DLC1: variants seen among roughly 807,000 people sequenced by gnomAD.
DLC1 encodes the protein DLC1 Rho GTPase activating protein.
In DLC1, 54 loss-of-function variants were observed where a neutral mutation model predicts 140.3. That is an observed-to-expected ratio of 0.38 (90% CI 0.31 to 0.48). The LOEUF is 0.48. Ranked by LOEUF, DLC1 falls within the 20% of genes least tolerant of loss-of-function variation. The pLI, the probability that DLC1 is intolerant of heterozygous loss-of-function variation, is 0.96. For synonymous variants in DLC1, 986 were observed against 728.1 expected (o/e 1.35, Z -5.70); for missense variants, 2,536 against 1,907.0 (o/e 1.33, Z -6.14).
chr8:13,192,251 A>G (rs972716817), intron 5 of DLC1, among the ~76,000 whole-genome samples: 22 of 150,692 alleles, frequency 1.5e-4, no homozygotes, highest in African/African-American at 4.9e-4. Flanking sequence ...GTGCCCAGCC[A>G]GCCTGATTAT....
intron 1 of DLC1, among the ~76,000 whole-genome samples, chr8:13,502,448 T>A (rs1291782143): frequency 1.3e-5 from 2 of 152,198 alleles, no homozygotes; most frequent in South Asian, 2.1e-4. Flanking sequence ...GTCTGATAGT[T>A]TTTTTAAAAA....
chr8:13,543,940 A>G (rs1803568959), intron 1 of DLC1, among the ~76,000 whole-genome samples: 2 of 152,044 alleles, frequency 1.3e-5, no homozygotes, highest in African/African-American at 4.8e-5. Flanking sequence ...AGACTTCACC[A>G]TTACACAGTT....
At chr8:13,209,879 A>G (rs1257055099) in intron 5 of DLC1, among the ~76,000 whole-genome samples, 6 of 150,676 alleles carry the variant, frequency 4.0e-5, no homozygotes, top group Non-Finnish European at 5.9e-5. Context: ...AGCCAATTAA[A>G]CCTCTTTTTT....
chr8:13,168,604 A>G (rs1267935302), intron 5 of DLC1, among the ~76,000 whole-genome samples: 2 of 152,248 alleles, frequency 1.3e-5, no homozygotes, highest in Admixed American at 6.5e-5. Context: ...AGGAAAAGAC[A>G]CAGTATCTTT....
chr8:13,588,625 C>T (rs1805412128), intron 1 of DLC1, among the ~76,000 whole-genome samples: 1 of 151,958 alleles, frequency 6.6e-6, no homozygotes, highest in Non-Finnish European at 1.5e-5. Context: ...AGAAAATAGT[C>T]TTAAATGAAA....
At chr8:13,594,899 C>T (rs1805634019) in intron 1 of DLC1, among the ~76,000 whole-genome samples, 1 of 151,522 alleles carries the variant, frequency 6.6e-6, no homozygotes, top group Admixed American at 6.6e-5. Context: ...CCGTCCCTTT[C>T]AGGTTTTGGA....
intron 5 of DLC1, among the ~76,000 whole-genome samples, chr8:13,293,833 T>C (rs991707952): frequency 2.7e-5 from 4 of 149,832 alleles, no homozygotes; most frequent in African/African-American, 1.0e-4. Flanking sequence ...TAAAATATAA[T>C]TGAGAGGAAA....
intron 1 of DLC1, chr8:13,568,060 A>T: frequency 8.1e-7 from 1 of 1,227,146 alleles, no homozygotes; most frequent in Non-Finnish European, 1.1e-6. Context: ...TTTGAGGACT[A>T]AGAACTTTCA....
chr8:13,416,390 C>A (rs2117322855), intron 2 of DLC1, among the ~76,000 whole-genome samples: 1 of 151,824 alleles, frequency 6.6e-6, no homozygotes, highest in African/African-American at 2.4e-5. Context: ...ATATAAAATT[C>A]AAAAAACATA....
At chr8:13,513,405 G>A (rs533819519) in intron 1 of DLC1, among the ~76,000 whole-genome samples, 6 of 152,116 alleles carry the variant, frequency 3.9e-5, no homozygotes, top group East Asian at 1.9e-4. Context: ...ATCAATATAA[G>A]TTATTCTAGC....
chr8:13,441,780 C>G (rs562878711), intron 2 of DLC1, among the ~76,000 whole-genome samples: 17 of 152,246 alleles, frequency 1.1e-4, no homozygotes, highest in African/African-American at 3.9e-4. Flanking sequence ...CATGGCCATA[C>G]TGCCCAAGGT....
chr8:13,540,151 T>G (rs1355513767), intron 1 of DLC1, among the ~76,000 whole-genome samples: 1 of 152,192 alleles, frequency 6.6e-6, no homozygotes, highest in African/African-American at 2.4e-5. Flanking sequence ...GAAATTATAA[T>G]GGGATGGCAA....
At chr8:13,393,791 G>A in intron 3 of DLC1, 98 bp from the exon 4 acceptor site, 5 of 1,392,296 alleles carry the variant, frequency 3.6e-6, no homozygotes, top group African/African-American at 1.4e-5. Flanking sequence ...CTTTCTCCCA[G>A]TGCACACTGA....
chr8:13,123,962 G>A (rs1821339896), intron 5 of DLC1, among the ~76,000 whole-genome samples: 1 of 152,072 alleles, frequency 6.6e-6, no homozygotes, highest in African/African-American at 2.4e-5. Context: ...ATATATGTGT[G>A]TATAAATATA....
At chr8:13,132,600 C>G (rs1336634655) in intron 5 of DLC1, among the ~76,000 whole-genome samples, 2 of 152,042 alleles carry the variant, frequency 1.3e-5, no homozygotes, top group East Asian at 3.9e-4. Context: ...CCGCGCCCCT[C>G]GAGCCAGAGC....
intron 5 of DLC1, among the ~76,000 whole-genome samples, chr8:13,121,450 T>C (rs1328482937): frequency 1.4e-4 from 22 of 152,206 alleles, no homozygotes; most frequent in Admixed American, 1.4e-3. Flanking sequence ...GGGCGTTCAC[T>C]GGGAGAAGCA....
intron 1 of DLC1, among the ~76,000 whole-genome samples, chr8:13,502,878 T>C: frequency 6.6e-6 from 1 of 152,210 alleles, no homozygotes; most frequent in East Asian, 1.9e-4. Context: ...TTTTATGAAG[T>C]GAATTTCCAT....
chr8:13,139,288 CAAAAAAAAAAAA>C (rs67684524), intron 5 of DLC1, among the ~76,000 whole-genome samples: 43 of 49,292 alleles, frequency 8.7e-4, no homozygotes, highest in East Asian at 2.3e-3. Flanking sequence ...GACCCTGTCT[CAAAAAAAAAAAA>C]AAAAAAAAAA....
intron 5 of DLC1, among the ~76,000 whole-genome samples, chr8:13,281,247 C>T (rs751003019): frequency 9.2e-5 from 14 of 152,112 alleles, no homozygotes; most frequent in Non-Finnish European, 1.3e-4. Context: ...ATTTGGAACC[C>T]TAAGGATCCA....
Sources: allele counts gnomAD v4.1 joint callset (sites outside exome capture counted in the v4.1 genomes callset), GRCh38; gene constraint gnomAD v4.1.1; transcripts MANE v1.5; gene names NCBI Gene and HGNC (gene_info 2026-07-23, HGNC 2026-07-21).